NDUFB6: variants seen among roughly 807,000 people sequenced by gnomAD.
The protein encoded by NDUFB6 is NADH dehydrogenase [ubiquinone] 1 beta subcomplex subunit 6.
Under a neutral mutation model 17.5 loss-of-function variants are expected in NDUFB6, and 23 were observed. The ratio of observed to expected loss-of-function variants is 1.31; its 90% CI spans 0.94 to 1.86. The LOEUF is 1.86. Ranked by LOEUF, NDUFB6 falls within the 40% of genes most tolerant of loss-of-function variation. The pLI, the probability that NDUFB6 is intolerant of heterozygous loss-of-function variation, is 0.00. For missense variants in NDUFB6, 167 were observed against 153.8 expected (o/e 1.09, Z -0.46); for synonymous variants, 60 against 53.5 (o/e 1.12, Z -0.53).
rs1256156995 is a variant in NDUFB6, at chr9:32,571,043, C to T, written c.190G>A (p.Val64Ile). 2.5e-6 allele frequency: 4 copies of T among 1,598,758 alleles called. No homozygotes were observed. The highest frequency in any genetic ancestry group is 2.3e-5 in the East Asian group (1 of 44,188). Reference protein sequence around the residue: ...KSPWRKMVHGVYKKSIFVFTH... With the variant: ...KSPWRKMVHGIYKKSIFVFTH... ...AAAACAAAGATACTCTTTTTGTATACCCCATGGACCTGGGGGGAAAAACAC... is the reference window on the plus strand; with the variant it reads ...AAAACAAAGATACTCTTTTTGTATATCCCATGGACCTGGGGGGAAAAACAC... Residue 64 changes from valine to isoleucine, a missense_variant, in exon 2 of 4, where the codon GTA (valine) becomes ATA (isoleucine). Val to Ile is a conservative substitution (Grantham distance 29). Coordinates refer to ENST00000379847, the MANE Select transcript of NDUFB6 (RefSeq NM_002493.5).
chr9:32,570,914 A>T, intron 2 of NDUFB6, 46 bp downstream of exon 2: 1 of 1,340,820 alleles, frequency 7.5e-7, no homozygotes, highest in Non-Finnish European at 1.0e-6. Context: ...CAAAGAAAGT[A>T]ATTTTGGACA....
At chr9:32,565,016 G>A (rs1821740577) in intron 2 of NDUFB6, among the ~76,000 whole-genome samples, 1 of 152,192 alleles carries the variant, frequency 6.6e-6, no homozygotes, top group Non-Finnish European at 1.5e-5. Context: ...CAGCAGGCCA[G>A]GTGCGGTGGC....
intron 2 of NDUFB6, among the ~76,000 whole-genome samples, chr9:32,562,996 T>C (rs1010392645): frequency 6.6e-6 from 1 of 152,236 alleles, no homozygotes; most frequent in Admixed American, 6.5e-5. Context: ...ACATTCATGA[T>C]CTTGACATTT....
Position 32,553,759 on chromosome 9 carries a change from GAT to G in NDUFB6, c.*115_*116del. 1.4e-6 allele frequency: 1 copy of G among 717,494 alleles called. No homozygotes were observed. Among genetic ancestry groups the G allele is most frequent in the Non-Finnish European group, 2.4e-6 (1 of 412,938 alleles). 44.4% of individuals were successfully genotyped at this position (717,494 alleles called of 1,614,324 possible). A position where few individuals can be genotyped will look rare whatever the true frequency, so the allele number is the denominator to read the frequency against. ...TCAAATTGTACAATGCTTGAAAACA[GAT>G]ATGACAATTTCTGAGATTAAACTTT... On this transcript the variant is annotated 3_prime_UTR_variant, in exon 4 of 4. Transcript: ENST00000379847.
At chr9:32,569,647 G>A (rs1821895551) in intron 2 of NDUFB6, among the ~76,000 whole-genome samples, 1 of 152,108 alleles carries the variant, frequency 6.6e-6, no homozygotes, top group Non-Finnish European at 1.5e-5. Flanking sequence ...TTGAGTAGCT[G>A]GGATTATAGG....
Position 32,553,810 on chromosome 9 carries a change from T to C in NDUFB6, c.*66A>G. On this transcript the variant is annotated 3_prime_UTR_variant, in exon 4 of 4. Coordinates refer to ENST00000379847, the MANE Select transcript of NDUFB6 (RefSeq NM_002493.5). Reference sequence around the variant, plus strand: ...TTATTAAAGTTACTTTTCCAGAAAATTCAGTAAATATGGTAATATAGGAAC... The same window carrying C: ...TTATTAAAGTTACTTTTCCAGAAAACTCAGTAAATATGGTAATATAGGAAC... The C allele has an allele frequency of 1.9e-6, 2 of 1,049,272 alleles. No individual in the cohort carries two copies. The highest frequency in any genetic ancestry group is 2.9e-6 in the Non-Finnish European group (2 of 689,710). The allele number at this position is 1,049,272 out of a possible 1,614,324, so 65.0% of individuals were successfully genotyped here. A position where few individuals can be genotyped will look rare whatever the true frequency, so the allele number is the denominator to read the frequency against.
chr9:32,573,146 G>C lies in NDUFB6; in HGVS notation c.-86C>G. 2 of 1,368,674 alleles carry C rather than the reference G, an allele frequency of 1.5e-6. No homozygotes were observed. Among genetic ancestry groups the C allele is most frequent in the South Asian group, 1.5e-5 (1 of 66,314 alleles). 84.8% of individuals were successfully genotyped at this position (1,368,674 alleles called of 1,614,324 possible). On this transcript the variant is annotated 5_prime_UTR_variant, in exon 1 of 4. Transcript: ENST00000379847. Reference sequence around the variant, plus strand: ...TAAGCGCGCTCCCGCTCTGCAAAGCGACCTTGCGGGAACGCCGAGCGCCGC... The same window carrying C: ...TAAGCGCGCTCCCGCTCTGCAAAGCCACCTTGCGGGAACGCCGAGCGCCGC...
At chr9:32,561,519 G>T (rs777159908) in intron 2 of NDUFB6, among the ~76,000 whole-genome samples, 19 of 151,964 alleles carry the variant, frequency 1.3e-4, no homozygotes, top group Non-Finnish European at 2.8e-4. Flanking sequence ...AGTAGAGATG[G>T]GGTTTCACCA....
intron 3 of NDUFB6, 99 bp from the exon 4 acceptor site, chr9:32,554,043 A>T (rs1196852601): frequency 1.4e-6 from 1 of 714,300 alleles, no homozygotes; most frequent in African/African-American, 1.8e-5. Flanking sequence ...TGGAAAATGT[A>T]CTTGAGTTCT....
chr9:32,562,263 ATTCT>A (rs1481976667), intron 2 of NDUFB6, among the ~76,000 whole-genome samples: 1 of 152,172 alleles, frequency 6.6e-6, no homozygotes, highest in Non-Finnish European at 1.5e-5. Context: ...GGTCTTGTAT[ATTCT>A]TTCTATAGCA....
chr9:32,570,694 C>G (rs1444827927), intron 2 of NDUFB6, among the ~76,000 whole-genome samples: 1 of 151,934 alleles, frequency 6.6e-6, no homozygotes, highest in Non-Finnish European at 1.5e-5. Context: ...CAAATTTACC[C>G]TAGTATTATT....
chr9:32,556,899 T>C (rs921146327), intron 3 of NDUFB6, among the ~76,000 whole-genome samples: 59 of 138,388 alleles, frequency 4.3e-4, no homozygotes, highest in Admixed American at 9.7e-4. Context: ...TCGCTAAGGC[T>C]GGAGTGCAGT....
chr9:32,571,309 A>AT (rs1435195503), intron 1 of NDUFB6, among the ~76,000 whole-genome samples: 5 of 152,110 alleles, frequency 3.3e-5, no homozygotes, highest in Admixed American at 2.6e-4. Flanking sequence ...GCATTTATAG[A>AT]TTTTTTAAAG....
chr9:32,571,873 A>G (rs1281155240), intron 1 of NDUFB6, among the ~76,000 whole-genome samples: 2 of 152,228 alleles, frequency 1.3e-5, no homozygotes, highest in Non-Finnish European at 2.9e-5. Flanking sequence ...ACCACCATAA[A>G]TAAGTATCCA....
At chr9:32,568,726 G>A (rs1318128474) in intron 2 of NDUFB6, 2 of 116,140 alleles carry the variant, frequency 1.7e-5, no homozygotes, top group Non-Finnish European at 3.8e-5. Flanking sequence ...ATGTGTGTGT[G>A]TGTGCATATA....
chr9:32,562,790 A>G (rs1187031567), intron 2 of NDUFB6, among the ~76,000 whole-genome samples: 1 of 152,210 alleles, frequency 6.6e-6, no homozygotes, highest in Non-Finnish European at 1.5e-5. Flanking sequence ...TGTCTCAATA[A>G]TTGTTTGGAC....
At chr9:32,565,619 A>T (rs1273659239) in intron 2 of NDUFB6, 1 of 152,656 alleles carries the variant, frequency 6.6e-6, no homozygotes, top group East Asian at 1.9e-4. Flanking sequence ...GACGACTCAC[A>T]AGACATCCAG....
chr9:32,555,582 C>T (rs1006716704), intron 3 of NDUFB6, among the ~76,000 whole-genome samples: 2 of 152,214 alleles, frequency 1.3e-5, no homozygotes, highest in African/African-American at 4.8e-5. Context: ...AAATATTTTT[C>T]TTTTCATGCT....
At chr9:32,566,042 G>A in intron 2 of NDUFB6, 1 of 358,562 alleles carries the variant, frequency 2.8e-6, no homozygotes, top group Non-Finnish European at 5.1e-6. Flanking sequence ...TATTTTTTAA[G>A]GTTTTTTCCA....
Sources: gnomAD v4.1 joint callset for allele counts (sites outside exome capture counted in the v4.1 genomes callset) on GRCh38, gnomAD v4.1.1 for gene constraint, MANE v1.5 for transcripts, NCBI Gene and HGNC (gene_info 2026-07-23, HGNC 2026-07-21) for gene names.